Variants in DISP1 observed in about 807,000 individuals in gnomAD.
DISP1 encodes the protein dispatched RND transporter family member 1, also known as protein dispatched homolog 1.
In DISP1, 30 loss-of-function variants were observed where a neutral mutation model predicts 37.3. That is an observed-to-expected ratio of 0.80 (90% CI 0.60 to 1.09). The LOEUF (loss-of-function observed/expected upper bound fraction) is 1.09. Among genes scored for constraint, DISP1 ranks in the 50% least tolerant of loss-of-function variants. DISP1 has a pLI of 0.00. For synonymous variants in DISP1, 634 were observed against 690.2 expected (o/e 0.92, Z 1.28); for missense variants, 1,598 against 1,879.5 (o/e 0.85, Z 2.77).
intron 1 of DISP1, among the ~76,000 whole-genome samples, chr1:222,826,884 ATAAAGCTGATGCCTCCTGT>A (rs1289686615): frequency 2.6e-5 from 4 of 152,216 alleles, no homozygotes; most frequent in Admixed American, 1.3e-4. Flanking sequence ...CTCCTTTACT[ATAAAGCTGATGCCTCCTGT>A]TTCATAAATA....
intron 1 of DISP1, among the ~76,000 whole-genome samples, chr1:222,874,878 A>G (rs998893868): frequency 4.6e-5 from 7 of 151,714 alleles, no homozygotes; most frequent in African/African-American, 1.5e-4. Context: ...TTTTTTCCCC[A>G]TCTTTGTGGT....
In DISP1 at chr1:222,818,118, TA is replaced by T. The variant is rs1211221500; in HGVS notation, c.-159+3041del. ...TTTTTAATTTTGAGAGCCTAAGGAA[TA>T]GAAGAACTATTGGATAAATGATTTG... On this transcript the variant is annotated intron_variant, in intron 1 of 8. Coordinates refer to ENST00000675850, the MANE Select transcript of DISP1 (RefSeq NM_001377229.1). Among the ~76,000 whole-genome samples, 13 of 152,014 alleles carry T rather than the reference TA, an allele frequency of 8.6e-5. No homozygotes were observed. In the East Asian group the frequency reaches 2.3e-3, roughly 27 times the overall value.
At chr1:222,952,097 T>C (rs1675266958) in intron 3 of DISP1, among the ~76,000 whole-genome samples, 11 of 152,234 alleles carry the variant, frequency 7.2e-5, no homozygotes, top group Admixed American at 5.9e-4. Flanking sequence ...TTATTTTTTA[T>C]ATAAATTGTT....
chr1:222,845,509 A>G (rs1667849039), intron 1 of DISP1, among the ~76,000 whole-genome samples: 1 of 152,232 alleles, frequency 6.6e-6, no homozygotes, highest in Non-Finnish European at 1.5e-5. Flanking sequence ...ACAAATATTA[A>G]ATCTATTTCA....
chr1:223,002,519 C>G lies in DISP1; in HGVS notation c.1122C>G (p.Asp374Glu). 3 of 1,614,156 alleles carry G rather than the reference C, an allele frequency of 1.9e-6. No homozygotes were observed. Among genetic ancestry groups the G allele is most frequent in the Non-Finnish European group, 2.5e-6 (3 of 1,180,032 alleles). Residue 374 changes from aspartate (D) to glutamate (E), a missense_variant, in exon 9 of 9, where the codon GAC (aspartate) becomes GAG (glutamate). Asp to Glu is a conservative substitution (Grantham distance 45, BLOSUM62 2). Transcript: ENST00000675850. ...RSSCQKIVER[D>E]VSHTLKLLRT... ...CCTGTCAGAAAATAGTTGAGCGAGA[C>G]GTTTCTCATACCTTGAAGCTGCTTC... is the stretch of plus-strand genomic sequence containing the variant.
chr1:222,858,788 T>C (rs1191801819), intron 1 of DISP1, among the ~76,000 whole-genome samples: 1 of 152,170 alleles, frequency 6.6e-6, no homozygotes. Flanking sequence ...TGAGATACCA[T>C]CTAACACAAT....
intron 1 of DISP1, among the ~76,000 whole-genome samples, chr1:222,912,155 G>A (rs1347257470): frequency 1.3e-5 from 2 of 151,852 alleles, no homozygotes. Flanking sequence ...TGTATGTCCA[G>A]AATTATAATG....
Position 222,887,498 on chromosome 1 carries a change from T to G in DISP1, c.-158-40932T>G, listed in dbSNP as rs990830964. On this transcript the variant is annotated intron_variant, in intron 1 of 8. Transcript: ENST00000675850. ...TCACATTGTTTTTGTTTTTTTTTTT[T>G]TTTTTTTTTTTGAGACGGAGTCTCG... Among the ~76,000 whole-genome samples, 13 of 123,702 alleles carry G rather than the reference T, an allele frequency of 1.1e-4. 2 individuals carry two copies. The highest frequency in any genetic ancestry group is 1.6e-4 in the Non-Finnish European group (9 of 56,122). 81.2% of individuals were successfully genotyped at this position (123,702 alleles called of 152,430 possible).
chr1:222,863,720 A>G (rs572048714), intron 1 of DISP1, among the ~76,000 whole-genome samples: 120 of 152,240 alleles, frequency 7.9e-4, no homozygotes, highest in South Asian at 1.7e-3. Context: ...GAATTCATAG[A>G]TACTTATTTT....
chr1:222,883,187 G>A (rs1254861589), intron 1 of DISP1, among the ~76,000 whole-genome samples: 2 of 151,964 alleles, frequency 1.3e-5, no homozygotes, highest in Non-Finnish European at 2.9e-5. Flanking sequence ...GTGTTCATAC[G>A]CTTTAACACA....
chr1:222,907,923 T>C (rs1227566043), intron 1 of DISP1, among the ~76,000 whole-genome samples: 1 of 152,172 alleles, frequency 6.6e-6, no homozygotes, highest in East Asian at 1.9e-4. Flanking sequence ...CACTCCAGCT[T>C]GGGCAACAGA....
chr1:222,945,168 A>G (rs1262561631), intron 3 of DISP1, among the ~76,000 whole-genome samples: 1 of 152,186 alleles, frequency 6.6e-6, no homozygotes, highest in African/African-American at 2.4e-5. Context: ...AGAAAGAGTG[A>G]GGAGGGGGAA....
intron 1 of DISP1, among the ~76,000 whole-genome samples, chr1:222,854,200 C>G (rs1668424213): frequency 6.6e-6 from 1 of 152,138 alleles, no homozygotes; most frequent in South Asian, 2.1e-4. Context: ...AAGACTGAAT[C>G]ATAGAAGCTA....
intron 2 of DISP1, among the ~76,000 whole-genome samples, chr1:222,937,459 A>T (rs1305386760): frequency 6.6e-6 from 1 of 152,202 alleles, no homozygotes; most frequent in Non-Finnish European, 1.5e-5. Flanking sequence ...ATATGTATAC[A>T]TACATAGTGT....
intron 8 of DISP1, among the ~76,000 whole-genome samples, chr1:223,000,052 G>T (rs1161561602): frequency 6.6e-6 from 1 of 152,178 alleles, no homozygotes; most frequent in South Asian, 2.1e-4. Context: ...ATTTGAAAAG[G>T]TTATTCAAGG....
intron 3 of DISP1, among the ~76,000 whole-genome samples, chr1:222,955,020 C>G (rs1002595872): frequency 6.6e-6 from 1 of 151,512 alleles, no homozygotes; most frequent in African/African-American, 2.4e-5. Context: ...GAAGGCATCA[C>G]AATACATTCT....
At chr1:222,872,247 CT>C (rs1408068285) in intron 1 of DISP1, 1 of 152,104 alleles carries the variant, frequency 6.6e-6, no homozygotes, top group Non-Finnish European at 1.5e-5. Context: ...CTAAAATTCT[CT>C]TTTTTTGTTG....
chr1:222,856,783 C>A (rs1572352719), intron 1 of DISP1, among the ~76,000 whole-genome samples: 1 of 149,620 alleles, frequency 6.7e-6, no homozygotes, highest in Admixed American at 6.7e-5. Flanking sequence ...TGGCTCACTG[C>A]AACCTCTGCC....
At chr1:222,993,016 C>A (rs567938560) in intron 7 of DISP1, among the ~76,000 whole-genome samples, 49 of 152,080 alleles carry the variant, frequency 3.2e-4, no homozygotes, top group African/African-American at 1.0e-3. Flanking sequence ...GCATGCACCA[C>A]CATGCCTGGC....
Sources: allele counts gnomAD v4.1 joint callset (sites outside exome capture counted in the v4.1 genomes callset), GRCh38; gene constraint gnomAD v4.1.1; transcripts MANE v1.5; gene names NCBI Gene and HGNC (gene_info 2026-07-23, HGNC 2026-07-21).